SUPT3H: variants seen among roughly 807,000 people sequenced by gnomAD.
The protein encoded by SUPT3H is SPT3 homolog, SAGA and STAGA complex component.
SUPT3H carries 44 observed loss-of-function variants against 44.3 expected under a neutral mutation model. That is an observed-to-expected ratio of 0.99 (90% CI 0.78 to 1.28). SUPT3H has a LOEUF of 1.28. SUPT3H is among the 50% of genes most tolerant of loss of function. The pLI, the probability that SUPT3H is intolerant of heterozygous loss-of-function variation, is 0.00. For synonymous variants in SUPT3H, 124 were observed against 125.6 expected, an observed-to-expected ratio of 0.99 and a Z score of 0.09; for missense variants, 380 against 387.1, an observed-to-expected ratio of 0.98 and a Z score of 0.15.
chr6:45,022,447 A>G, intron 3 of SUPT3H, among the ~76,000 whole-genome samples: 1 of 151,518 alleles, frequency 6.6e-6, no homozygotes, highest in Non-Finnish European at 1.5e-5. Flanking sequence ...TTCAGAACCA[A>G]TACATGACCA....
At chr6:45,286,119 G>A (rs978109006) in intron 2 of SUPT3H, among the ~76,000 whole-genome samples, 1 of 151,644 alleles carries the variant, frequency 6.6e-6, no homozygotes, top group African/African-American at 2.4e-5. Flanking sequence ...AGACTTAAAT[G>A]TTAGCCCTAA....
At chr6:44,900,198 C>T (rs941496073) in intron 10 of SUPT3H, among the ~76,000 whole-genome samples, 7 of 152,236 alleles carry the variant, frequency 4.6e-5, no homozygotes, top group East Asian at 1.9e-4. Flanking sequence ...TGCAGCGCAC[C>T]GAGCGTGAGC....
intron 10 of SUPT3H, among the ~76,000 whole-genome samples, chr6:44,929,303 C>G (rs910063131): frequency 3.3e-5 from 5 of 151,976 alleles, no homozygotes; most frequent in Admixed American, 3.3e-4. Context: ...TCGCTAAAAG[C>G]AGATTTTTAA....
chr6:44,871,464 C>A (rs375741318), intron 10 of SUPT3H, among the ~76,000 whole-genome samples: 1 of 7,708 alleles, frequency 1.3e-4, no homozygotes, highest in South Asian at 2.0e-3. Context: ...AAACTAACAA[C>A]CAGAAAGGAC....
At chr6:44,909,659 G>T (rs908782409) in intron 10 of SUPT3H, among the ~76,000 whole-genome samples, 1 of 152,112 alleles carries the variant, frequency 6.6e-6, no homozygotes, top group Non-Finnish European at 1.5e-5. Context: ...GCACCATGCA[G>T]GGGCCTGTTT....
chr6:44,906,490 G>C (rs181335617), intron 10 of SUPT3H, among the ~76,000 whole-genome samples: 1 of 152,130 alleles, frequency 6.6e-6, no homozygotes, highest in Admixed American at 6.5e-5. Context: ...GTGGCTGGGC[G>C]CGGTGGCTCA....
chr6:44,890,136 T>C (rs1029999405), intron 10 of SUPT3H, among the ~76,000 whole-genome samples: 5 of 151,004 alleles, frequency 3.3e-5, no homozygotes, highest in Non-Finnish European at 7.4e-5. Context: ...TGTGGAGAAA[T>C]AGGAACACTT....
intron 3 of SUPT3H, among the ~76,000 whole-genome samples, chr6:45,024,125 T>C (rs966435884): frequency 6.6e-6 from 1 of 152,130 alleles, no homozygotes; most frequent in African/African-American, 2.4e-5. Flanking sequence ...TTTGTCAAAG[T>C]AAACAAAATA....
At chr6:45,295,758 C>T (rs1562898630) in intron 2 of SUPT3H, among the ~76,000 whole-genome samples, 1 of 151,918 alleles carries the variant, frequency 6.6e-6, no homozygotes, top group Non-Finnish European at 1.5e-5. Context: ...TGAAAAAATG[C>T]TCAACATCAC....
chr6:45,037,280 TGGAG>T (rs1254911370), intron 3 of SUPT3H, among the ~76,000 whole-genome samples: 1 of 148,674 alleles, frequency 6.7e-6, no homozygotes, highest in East Asian at 2.0e-4. Context: ...GGGTAAGAAA[TGGAG>T]GGAGAAAAGA....
At chr6:44,946,819 G>A (rs953138632) in intron 9 of SUPT3H, among the ~76,000 whole-genome samples, 5 of 152,156 alleles carry the variant, frequency 3.3e-5, no homozygotes, top group South Asian at 2.1e-4. Flanking sequence ...CAGGGTTTGA[G>A]AGAACTGACT....
intron 2 of SUPT3H, among the ~76,000 whole-genome samples, chr6:45,215,488 G>A (rs142268536): frequency 6.6e-6 from 1 of 152,102 alleles, no homozygotes; most frequent in African/African-American, 2.4e-5. Flanking sequence ...TATATGAAGT[G>A]ATAAATATCG....
At chr6:44,849,124 T>C (rs1416645637) in intron 10 of SUPT3H, among the ~76,000 whole-genome samples, 1 of 152,210 alleles carries the variant, frequency 6.6e-6, no homozygotes, top group Non-Finnish European at 1.5e-5. Context: ...CCAACAAATA[T>C]TTGTTGAATA....
chr6:44,975,651 A>G (rs1463139533), intron 6 of SUPT3H, among the ~76,000 whole-genome samples: 1 of 151,948 alleles, frequency 6.6e-6, no homozygotes, highest in African/African-American at 2.4e-5. Context: ...GTTACAGTGC[A>G]CCAAAATCTT....
At chr6:45,081,191 C>T (rs954636814) in intron 3 of SUPT3H, among the ~76,000 whole-genome samples, 1 of 151,868 alleles carries the variant, frequency 6.6e-6, no homozygotes, top group Non-Finnish European at 1.5e-5. Flanking sequence ...AAAAACAATG[C>T]CTACATAATC....
At chr6:44,888,225 A>G (rs1280347577) in intron 10 of SUPT3H, among the ~76,000 whole-genome samples, 1 of 152,216 alleles carries the variant, frequency 6.6e-6, no homozygotes, top group African/African-American at 2.4e-5. Flanking sequence ...AAACTATTCC[A>G]ATCAACAGAA....
At chr6:44,943,101 C>T (rs1370457283) in intron 9 of SUPT3H, among the ~76,000 whole-genome samples, 1 of 152,004 alleles carries the variant, frequency 6.6e-6, no homozygotes, top group African/African-American at 2.4e-5. Context: ...TTTAAAACAG[C>T]AATTCTAACC....
chr6:44,916,032 T>C (rs1489119562), intron 10 of SUPT3H, among the ~76,000 whole-genome samples: 4 of 152,222 alleles, frequency 2.6e-5, no homozygotes, highest in Non-Finnish European at 4.4e-5. Flanking sequence ...TAAAGTGTTA[T>C]TGCTGAACAA....
intron 2 of SUPT3H, chr6:45,328,419 A>T (rs1481493530): frequency 7.0e-7 from 1 of 1,436,822 alleles, no homozygotes; most frequent in Admixed American, 1.8e-5. Flanking sequence ...TAAATGGTTA[A>T]TCTCCGCAGG....
Sources: gnomAD v4.1 joint callset for allele counts (sites outside exome capture counted in the v4.1 genomes callset) on GRCh38, gnomAD v4.1.1 for gene constraint, MANE v1.5 for transcripts, NCBI Gene and HGNC (gene_info 2026-07-23, HGNC 2026-07-21) for gene names.